The following WASF3 variants were observed in gnomAD, a reference collection of about 807,000 sequenced individuals.
WASF3 encodes the protein actin-binding protein WASF3.
In WASF3, 11 loss-of-function variants were observed where a neutral mutation model predicts 46.6. The ratio of observed to expected loss-of-function variants is 0.24; its 90% CI spans 0.15 to 0.39. The LOEUF is 0.39. Ranked by LOEUF, WASF3 falls within the 10% of genes least tolerant of loss-of-function variation. The probability of loss-of-function intolerance (pLI) is 1.00; values close to 1 mark genes in which losing one functional copy is unlikely to be tolerated. For synonymous variants in WASF3, 242 were observed against 259.7 expected, an observed-to-expected ratio of 0.93 and a Z score of 0.65; for missense variants, 576 against 669.8, an observed-to-expected ratio of 0.86 and a Z score of 1.55.
chr13:26,564,332 C>T (rs529350253), intron 1 of WASF3, among the ~76,000 whole-genome samples: 4 of 152,308 alleles, frequency 2.6e-5, no homozygotes, highest in South Asian at 2.1e-4. Context: ...ACCTCTTGAA[C>T]GTCGTCGTCA....
At chr13:26,652,627 T>G (rs977163285) in intron 3 of WASF3, among the ~76,000 whole-genome samples, 7 of 152,172 alleles carry the variant, frequency 4.6e-5, no homozygotes, top group Non-Finnish European at 8.8e-5. Context: ...AAATAGTAAG[T>G]TTTAAAAGAT....
intron 1 of WASF3, among the ~76,000 whole-genome samples, chr13:26,561,921 A>G (rs9553856): frequency 0.31 from 47,164 of 152,102 alleles, 7,707 homozygotes; most frequent in East Asian, 0.58. Context: ...CACATACTGT[A>G]TTAGTAAATA....
At position 26,642,414 on chromosome 13, in the gene WASF3, T is replaced by A. The variant is rs181263917; in HGVS notation, c.133+11T>A. ...AGCTGAGCAGTCTGAGTAAGCCATC[T>A]TTTTTCTGATTACCAATGACATTAA... On this transcript the variant is annotated intron_variant, in intron 3 of 9. Coordinates refer to ENST00000335327, the MANE Select transcript of WASF3 (RefSeq NM_006646.6). 1.3e-4 allele frequency: 205 copies of A among 1,570,178 alleles called. 1 individual carries two copies. The East Asian group carries it at 3.1e-3, about 24-fold the overall frequency.
At chr13:26,612,289 T>C (rs1397496582) in intron 1 of WASF3, among the ~76,000 whole-genome samples, 2 of 152,230 alleles carry the variant, frequency 1.3e-5, no homozygotes, top group African/African-American at 4.8e-5. Flanking sequence ...TTTTCTTGTA[T>C]GTATTCTTCC....
chr13:26,639,073 T>C (rs1480019745), intron 2 of WASF3, among the ~76,000 whole-genome samples: 1 of 152,134 alleles, frequency 6.6e-6, no homozygotes, highest in Non-Finnish European at 1.5e-5. Flanking sequence ...ATAAACCTCT[T>C]CTCTTTATAA....
chr13:26,607,644 T>G (rs1274407906), intron 1 of WASF3, among the ~76,000 whole-genome samples: 1 of 152,144 alleles, frequency 6.6e-6, no homozygotes, highest in Non-Finnish European at 1.5e-5. Flanking sequence ...GTTTTGTTTT[T>G]TTTTTGAAAC....
chr13:26,641,963 C>G (rs1882011093), intron 2 of WASF3: 1 of 168,160 alleles, frequency 5.9e-6, no homozygotes, highest in Non-Finnish European at 1.3e-5. Context: ...CTCTCTTGCT[C>G]TTGATACATG....
intron 1 of WASF3, among the ~76,000 whole-genome samples, chr13:26,579,043 C>T (rs1269678345): frequency 1.1e-5 from 1 of 92,776 alleles, no homozygotes; most frequent in Admixed American, 1.6e-4. Context: ...CTCTGTTGCA[C>T]AGGCTGGAGA....
At chr13:26,626,192 G>A (rs149916425) in intron 2 of WASF3, 5 of 152,378 alleles carry the variant, frequency 3.3e-5, no homozygotes, top group African/African-American at 9.6e-5. Context: ...TATAGCCAAG[G>A]ATCAGTGAGA....
intron 2 of WASF3, among the ~76,000 whole-genome samples, chr13:26,628,504 G>A (rs1171553676): frequency 6.6e-6 from 1 of 152,154 alleles, no homozygotes; most frequent in Non-Finnish European, 1.5e-5. Context: ...CCTCCCAGGA[G>A]GAGATGCCAA....
chr13:26,629,283 C>G (rs1180215325), intron 2 of WASF3, among the ~76,000 whole-genome samples: 3 of 152,216 alleles, frequency 2.0e-5, no homozygotes, highest in African/African-American at 7.2e-5. Flanking sequence ...TGTGCCCACT[C>G]CCGAATTTCT....
rs541201779 is a variant in WASF3 at position 26,685,905 on chromosome 13, C to T, written c.*60C>T. 651 of 1,585,720 alleles carry T rather than the reference C, an allele frequency of 4.1e-4. 5 individuals carry two copies. In the African/African-American group the frequency reaches 7.8e-3, roughly 19 times the overall value. On this transcript the variant is annotated 3_prime_UTR_variant, in exon 10 of 10. Coordinates refer to ENST00000335327, the MANE Select transcript of WASF3 (RefSeq NM_006646.6). ...TGTTGAAGATTTTAAGTGGTCTCTA[C>T]ACCCAAATAGTGGTATTCTAATCCC...
rs57148941 is a variant in WASF3 at position 26,599,184 on chromosome 13, C to CTTTTTTTT, written c.-108-13767_-108-13760dup. ...GCCTGCCCTGCTCTTCTTTTCATTTCTTTTTTTTTTTTTTTTTGAGACGGA... is the reference window on the plus strand; with the variant it reads ...GCCTGCCCTGCTCTTCTTTTCATTTCTTTTTTTTTTTTTTTTTTTTTTTTTGAGACGGA... On this transcript the variant is annotated intron_variant, in intron 1 of 9. Transcript: ENST00000335327. Among the ~76,000 whole-genome samples the CTTTTTTTT allele has an allele frequency of 1.5e-3, 177 of 118,168 alleles. 4 individuals carry two copies. Among genetic ancestry groups the CTTTTTTTT allele is most frequent in the Non-Finnish European group, 2.2e-3 (134 of 60,300 alleles). The allele number at this position is 118,168 out of a possible 152,430, so 77.5% of individuals were successfully genotyped here. A position where few individuals can be genotyped will look rare whatever the true frequency, so the allele number is the denominator to read the frequency against.
intron 1 of WASF3, among the ~76,000 whole-genome samples, chr13:26,602,833 A>G (rs943699341): frequency 6.6e-6 from 1 of 152,210 alleles, no homozygotes. Context: ...TCTATTTGAT[A>G]ATGTACAGAT....
intron 1 of WASF3, among the ~76,000 whole-genome samples, chr13:26,594,568 C>A (rs553358952): frequency 1.2e-4 from 18 of 152,242 alleles, no homozygotes; most frequent in Admixed American, 7.8e-4. Flanking sequence ...GTATTACTGC[C>A]CTGTTGTAGC....
chr13:26,623,625 C>T (rs1321924716), intron 2 of WASF3, among the ~76,000 whole-genome samples: 1 of 152,150 alleles, frequency 6.6e-6, no homozygotes, highest in Non-Finnish European at 1.5e-5. Context: ...AAATATCAGG[C>T]AGAGTTTAGT....
the WASF3 span, among the ~76,000 whole-genome samples, chr13:26,550,849 C>T: frequency 1.3e-5 from 2 of 152,114 alleles, no homozygotes; most frequent in Admixed American, 6.5e-5. Context: ...GAGTAGGCAG[C>T]CTGCATGGGC....
At chr13:26,600,850 C>T (rs1011943685) in intron 1 of WASF3, among the ~76,000 whole-genome samples, 1 of 152,208 alleles carries the variant, frequency 6.6e-6, no homozygotes, top group East Asian at 1.9e-4. Flanking sequence ...CTCTCTCCAC[C>T]TCTCCACTTC....
chr13:26,586,044 A>C (rs1025141105), intron 1 of WASF3, among the ~76,000 whole-genome samples: 6 of 152,200 alleles, frequency 3.9e-5, no homozygotes, highest in Non-Finnish European at 8.8e-5. Flanking sequence ...TGGGTGTCAC[A>C]GAACCCTGGG....
Sources: allele counts gnomAD v4.1 joint callset (sites outside exome capture counted in the v4.1 genomes callset), GRCh38; gene constraint gnomAD v4.1.1; transcripts MANE v1.5; gene names NCBI Gene and HGNC (gene_info 2026-07-23, HGNC 2026-07-21).